The following PTGER3 variants were observed in gnomAD, a reference collection of about 807,000 sequenced individuals.
PTGER3 encodes the protein prostaglandin E2 receptor EP3 subtype.
In PTGER3, 22 loss-of-function variants were observed where a neutral mutation model predicts 34.7. The ratio of observed to expected loss-of-function variants is 0.63; its 90% CI spans 0.45 to 0.91. The LOEUF is 0.91. Among genes scored for constraint, PTGER3 ranks in the 40% least tolerant of loss-of-function variants. PTGER3 has a pLI of 0.00. For missense variants in PTGER3, 468 were observed against 519.4 expected, an observed-to-expected ratio of 0.90 and a Z score of 0.96; for synonymous variants, 241 against 230.1, an observed-to-expected ratio of 1.05 and a Z score of -0.43.
chr1:70,981,841 A>G (rs549100847), intron 2 of PTGER3, among the ~76,000 whole-genome samples: 3 of 152,196 alleles, frequency 2.0e-5, no homozygotes, highest in Admixed American at 1.3e-4. Context: ...TGGGTATCCA[A>G]CACTTGCTTT....
chr1:70,973,221 TGATA>T (rs72155144), intron 3 of PTGER3, among the ~76,000 whole-genome samples: 32,826 of 137,196 alleles, frequency 0.24, 3,932 homozygotes, highest in African/African-American at 0.32. Flanking sequence ...GATAGATAGA[TGATA>T]GATAGATAGA....
intron 2 of PTGER3, among the ~76,000 whole-genome samples, chr1:70,989,427 ACT>A (rs1655226018): frequency 6.6e-6 from 1 of 151,750 alleles, no homozygotes; most frequent in South Asian, 2.1e-4. Flanking sequence ...TTTAAAAGGG[ACT>A]CTTTTTTGCC....
chr1:70,874,144 T>C (rs1236156930), intron 4 of PTGER3, among the ~76,000 whole-genome samples: 1 of 152,168 alleles, frequency 6.6e-6, no homozygotes, highest in Admixed American at 6.5e-5. Flanking sequence ...TTGTTTTTCT[T>C]CAATGGAATT....
intron 1 of PTGER3, 64 bp from the exon 2 acceptor site, chr1:71,012,548 TG>T (rs1166865694): frequency 7.2e-7 from 1 of 1,396,358 alleles, no homozygotes; most frequent in Non-Finnish European, 9.8e-7. Flanking sequence ...TCCTCTACAC[TG>T]TACTTTGCAC....
intron 4 of PTGER3, among the ~76,000 whole-genome samples, chr1:70,899,705 G>C (rs1646796298): frequency 6.6e-6 from 1 of 152,008 alleles, no homozygotes; most frequent in South Asian, 2.1e-4. Context: ...TGAAGGGTAA[G>C]TTGCAGGGGA....
chr1:70,886,980 G>A (rs564596301), intron 4 of PTGER3, among the ~76,000 whole-genome samples: 2 of 152,310 alleles, frequency 1.3e-5, no homozygotes, highest in Non-Finnish European at 1.5e-5. Flanking sequence ...TGCAACATAG[G>A]GGATGTGAGA....
intron 4 of PTGER3, among the ~76,000 whole-genome samples, chr1:70,943,892 T>C (rs149767240): frequency 3.3e-5 from 5 of 150,524 alleles, no homozygotes; most frequent in African/African-American, 1.2e-4. Context: ...TAATACCAGT[T>C]AATTTTCATT....
chr1:71,031,218 A>G (rs1373424186), intron 1 of PTGER3, among the ~76,000 whole-genome samples: 1 of 149,986 alleles, frequency 6.7e-6, no homozygotes, highest in African/African-American at 2.5e-5. Context: ...CTGCTACCCC[A>G]ATTTCCCAAC....
At chr1:71,041,728 A>G (rs1351631881) in intron 1 of PTGER3, among the ~76,000 whole-genome samples, 1 of 152,206 alleles carries the variant, frequency 6.6e-6, no homozygotes, top group Non-Finnish European at 1.5e-5. Context: ...TGGGAGAGTA[A>G]GAATTTGACA....
downstream of PTGER3, among the ~76,000 whole-genome samples, chr1:70,948,699 T>C (rs1403535430): frequency 2.6e-5 from 4 of 152,180 alleles, no homozygotes; most frequent in Non-Finnish European, 4.4e-5. Context: ...AAGATTTTTT[T>C]TAATTATACA....
chr1:70,920,406 G>C (rs1343250844), intron 4 of PTGER3, among the ~76,000 whole-genome samples: 1 of 152,148 alleles, frequency 6.6e-6, no homozygotes, highest in Non-Finnish European at 1.5e-5. Flanking sequence ...TTCACTTCAA[G>C]GTCCTACTGC....
intron 1 of PTGER3, among the ~76,000 whole-genome samples, chr1:71,038,722 G>A (rs1057043812): frequency 6.6e-6 from 1 of 152,188 alleles, no homozygotes; most frequent in Non-Finnish European, 1.5e-5. Flanking sequence ...TAATATTAAT[G>A]TGTTGTCAGG....
intron 4 of PTGER3, among the ~76,000 whole-genome samples, chr1:70,892,004 C>G (rs17131479): frequency 0.086 from 13,128 of 152,180 alleles, 1,029 homozygotes; most frequent in East Asian, 0.23. Flanking sequence ...AAATCCACAA[C>G]AGGGCTGAGT....
chr1:70,873,928 G>A (rs548646381), intron 4 of PTGER3, among the ~76,000 whole-genome samples: 61 of 152,214 alleles, frequency 4.0e-4, no homozygotes, highest in African/African-American at 5.5e-4. Context: ...GGGAAGATAC[G>A]TAATGAAAGT....
At chr1:71,026,449 C>T (rs953886835) in intron 1 of PTGER3, among the ~76,000 whole-genome samples, 2 of 152,174 alleles carry the variant, frequency 1.3e-5, no homozygotes, top group African/African-American at 4.8e-5. Flanking sequence ...TTCAGGAAAT[C>T]GGACTTTAAA....
intron 3 of PTGER3, among the ~76,000 whole-genome samples, chr1:70,973,484 G>A (rs1256041079): frequency 1.3e-5 from 2 of 152,070 alleles, no homozygotes; most frequent in East Asian, 3.9e-4. Context: ...CCTCAACCAT[G>A]AGGATAAATG....
At chr1:70,862,261 A>AT in intron 4 of PTGER3, 2 of 1,120,168 alleles carry the variant, frequency 1.8e-6, no homozygotes, top group Non-Finnish European at 2.4e-6. Context: ...AGTAAAAAAA[A>AT]ATATTAATAG....
chr1:71,006,986 A>T, intron 2 of PTGER3: 1 of 985,694 alleles, frequency 1.0e-6, no homozygotes, highest in Non-Finnish European at 1.2e-6. Flanking sequence ...ACGCTCTTTT[A>T]TTTTTTGTCT....
chr1:71,026,249 C>A (rs1321731021), intron 1 of PTGER3, among the ~76,000 whole-genome samples: 1 of 152,172 alleles, frequency 6.6e-6, no homozygotes, highest in African/African-American at 2.4e-5. Context: ...GAGTAATACT[C>A]ACAGTCCCTG....
Sources: allele counts gnomAD v4.1 joint callset (sites outside exome capture counted in the v4.1 genomes callset), GRCh38; gene constraint gnomAD v4.1.1; transcripts MANE v1.5; gene names NCBI Gene and HGNC (gene_info 2026-07-23, HGNC 2026-07-21).